Variants in PSMB8 observed in about 807,000 individuals in gnomAD.
PSMB8 encodes proteasome 20S subunit beta 8, also known as proteasome subunit beta type-8.
A neutral mutation model predicts 32.3 loss-of-function variants in PSMB8; 20 were observed. The observed-to-expected ratio is 0.62, with a 90% CI of 0.44 to 0.90. PSMB8 has a LOEUF of 0.90. Ranked by LOEUF, PSMB8 falls within the 40% of genes least tolerant of loss-of-function variation. The probability of loss-of-function intolerance (pLI) is 0.00; values close to 1 mark genes in which losing one functional copy is unlikely to be tolerated. For missense variants in PSMB8, 342 were observed against 365.4 expected, an observed-to-expected ratio of 0.94 and a Z score of 0.52; for synonymous variants, 131 against 135.4, an observed-to-expected ratio of 0.97 and a Z score of 0.23.
chr6:32,844,212 G>A (rs1013531543), upstream of PSMB8: 10 of 1,592,064 alleles, frequency 6.3e-6, no homozygotes, highest in Admixed American at 8.9e-5. Flanking sequence ...AGGGTCTTCC[G>A]AAGAAAGCGA....
At chr6:32,842,439 T>C (rs1176436925) in intron 3 of PSMB8, among the ~76,000 whole-genome samples, 176 bp from the exon 4 acceptor site, 1 of 152,250 alleles carries the variant, frequency 6.6e-6, no homozygotes, top group African/African-American at 2.4e-5. Flanking sequence ...TAGTAAATGA[T>C]ACTGTCCCGC....
rs747334770 is a variant in PSMB8, at chr6:32,841,770, A to G, written c.538-35T>C. ...GAAAGATTTCAGGCTGAAATTGGAG[A>G]GGAAGATGTTGGTAACATGGGGGTT... On this transcript the variant is annotated intron_variant, in intron 4 of 5. Transcript: ENST00000374882. 1.1e-5 allele frequency: 17 copies of G among 1,590,884 alleles called. No homozygotes were observed. In the Middle Eastern group the frequency reaches 6.6e-4, roughly 62 times the overall value.
chr6:32,842,452 G>C (rs879442135), intron 3 of PSMB8, among the ~76,000 whole-genome samples, 189 bp from the exon 4 acceptor site: 2 of 152,254 alleles, frequency 1.3e-5, no homozygotes, highest in Admixed American at 1.3e-4. Context: ...TGTCCCGCCA[G>C]GGTGGATGTG....
intron 1 of PSMB8, among the ~76,000 whole-genome samples, chr6:32,843,363 G>C (rs1278998149): frequency 1.3e-5 from 2 of 152,164 alleles, no homozygotes; most frequent in African/African-American, 2.4e-5. Context: ...GTGACTTAAA[G>C]GGTTTCTTCC....
At position 32,843,975 on chromosome 6, in the gene PSMB8, C is replaced by T. The variant is rs114772012; in HGVS notation, c.22G>A (p.Gly8Arg). ...TCCGGCCGCTGCCCTCGGGGGGCTC[C>T]GCATACATCTAGTAGCGCCATGACC... The part of the protein sequence containing the change: MALLDVC[G>R]APRGQRPESA... Residue 8 changes from glycine to arginine, a missense_variant, in exon 1 of 6, where the codon GGA (glycine) becomes AGA (arginine). Gly to Arg is a moderately radical substitution (Grantham distance 125). Transcript: ENST00000374882. 33,301 of 1,612,242 alleles carry T rather than the reference C, an allele frequency of 0.021. 397 individuals are homozygous for T. Among genetic ancestry groups the T allele is most frequent in the African/African-American group, 0.025 (1,885 of 74,868 alleles).
chr6:32,840,913 G>A lies in PSMB8; in HGVS notation c.*46C>T, dbSNP rs551352254. 1.6e-5 allele frequency: 25 copies of A among 1,529,418 alleles called. No individual in the cohort carries two copies. In the African/African-American group the frequency reaches 1.8e-4, roughly 11 times the overall value. 94.7% of individuals were successfully genotyped at this position (1,529,418 alleles called of 1,614,324 possible). The stretch of plus-strand genomic sequence containing the variant: ...TTAACGTGGCTTAGGTCCCTGAGTC[G>A]GCCAAGACCTCCCAGAGGAGACCTG... On this transcript the variant is annotated 3_prime_UTR_variant, in exon 6 of 6. Coordinates refer to ENST00000374882, the MANE Select transcript of PSMB8 (RefSeq NM_148919.4).
At chr6:32,844,445 G>A (rs1422499818), upstream of PSMB8, 1 of 1,612,360 alleles carries the variant, frequency 6.2e-7, no homozygotes, top group Non-Finnish European at 8.5e-7. Context: ...ACGGAAGTGC[G>A]AGGGGGCAGA....
chr6:32,843,022 C>T lies in PSMB8; in HGVS notation c.215G>A (p.Gly72Asp). 6.2e-7 allele frequency: 1 copy of T among 1,613,100 alleles called. No homozygotes were observed. Among genetic ancestry groups the T allele is most frequent in the Non-Finnish European group, 8.5e-7 (1 of 1,180,042 alleles). ...GAACTTGAAGGCGAGCGTGGTGGTG[C>T]CATGGGCCATCTCAATCTGAACGTT... ...ERNVQIEMAHGTTTLAFKFQH... is the reference protein window; with the variant it reads ...ERNVQIEMAHDTTTLAFKFQH... The change falls in exon 2 of 6, where the codon GGC (glycine) becomes GAC (aspartate). Residue 72 changes from glycine (G) to aspartate (D), a missense_variant. Transcript: ENST00000374882.
chr6:32,843,813 C>T (rs1222390960), intron 1 of PSMB8, 37 bp downstream of exon 1: 2 of 1,610,644 alleles, frequency 1.2e-6, no homozygotes, highest in Non-Finnish European at 1.7e-6. Flanking sequence ...CAGCGCCCGC[C>T]TCCCTGCATC....
chr6:32,842,532 C>T, intron 3 of PSMB8, 140 bp downstream of exon 3: 1 of 918,716 alleles, frequency 1.1e-6, no homozygotes, highest in Non-Finnish European at 1.7e-6. Flanking sequence ...GGAGAAGGGT[C>T]TTATCACCAA....
Position 32,843,044 on chromosome 6 carries a change from C to G in PSMB8, c.193G>C (p.Val65Leu), listed in dbSNP as rs940695600. The part of the protein sequence containing the change: ...QSLGGDGERN[V>L]QIEMAHGTTT... The stretch of plus-strand genomic sequence containing the variant: ...GTGCCATGGGCCATCTCAATCTGAA[C>G]GTTCCTTTCTCCGTCCCCACCCAGG... The change falls in exon 2 of 6, where the codon GTT becomes CTT. Residue 65 changes from valine (V) to leucine (L), a missense_variant. Transcript: ENST00000374882. 6.2e-7 allele frequency: 1 copy of G among 1,613,080 alleles called. No homozygotes were observed. The highest frequency in any genetic ancestry group is 8.5e-7 in the Non-Finnish European group (1 of 1,180,032).
Position 32,841,729 on chromosome 6 carries a change from C to T in PSMB8, c.544G>A (p.Gly182Arg), listed in dbSNP as rs1769920763. The stretch of plus-strand genomic sequence containing the variant: ...CCATGTTCATCCACGTAGTAGAGTC[C>T]AGGACCCTATAAGATGAAAGATTTC... ...MICGWDKKGP[G>R]LYYVDEHGTR... The change falls in exon 5 of 6, where the codon GGA (glycine) becomes AGA (arginine). Residue 182 changes from glycine (G) to arginine (R), a missense_variant. Gly to Arg is a moderately radical substitution (Grantham distance 125). Coordinates refer to ENST00000374882, the MANE Select transcript of PSMB8 (RefSeq NM_148919.4). The T allele has an allele frequency of 1.9e-6, 3 of 1,612,570 alleles. No individual in the cohort carries two copies. The South Asian group carries it at 3.3e-5, about 18-fold the overall frequency.
In PSMB8 at chr6:32,842,034, A is replaced by G. The variant is rs1023758716; in HGVS notation, c.537+100T>C. On this transcript the variant is annotated intron_variant, in intron 4 of 5. Coordinates refer to ENST00000374882, the MANE Select transcript of PSMB8 (RefSeq NM_148919.4). Reference sequence around the variant, plus strand: ...TCTATAACCAAGCACTCTATATGCCATGCATCTTGTCAGGGAGGGAGTAGG... The same window carrying G: ...TCTATAACCAAGCACTCTATATGCCGTGCATCTTGTCAGGGAGGGAGTAGG... The G allele has an allele frequency of 1.4e-5, 22 of 1,575,796 alleles. No homozygotes were observed. In the African/African-American group the frequency reaches 2.3e-4, roughly 16 times the overall value.
intron 4 of PSMB8, 37 bp from the exon 5 acceptor site, chr6:32,841,772 G>A: frequency 6.3e-7 from 1 of 1,577,256 alleles, no homozygotes; most frequent in Admixed American, 1.7e-5. Context: ...AATTGGAGAG[G>A]AAGATGTTGG....
In PSMB8 at chr6:32,842,963, C is replaced by T. The variant is rs751107274; in HGVS notation, c.274G>A (p.Ala92Thr). The change falls in exon 2 of 6, where the codon GCC (alanine) becomes ACC (threonine). Residue 92 changes from alanine to threonine, a missense_variant. Ala to Thr is a moderately conservative substitution (Grantham distance 58). Transcript: ENST00000374882. ...HGVIAAVDSR[A>T]SAGSYISALR... is the part of the protein sequence containing the mutation. The stretch of plus-strand genomic sequence containing the variant: ...TCACTAATGTAGGACCCAGCTGAGG[C>T]CCGAGAATCCACTGCTGCAATCACT... 1.9e-6 allele frequency: 3 copies of T among 1,613,278 alleles called. No homozygotes were observed. In the South Asian group the frequency reaches 3.3e-5, roughly 18 times the overall value.
rs1445689887 is a variant in PSMB8 at position 32,843,979 on chromosome 6, T to G, written c.18A>C (p.Val6=). MALLD[V]CGAPRGQRPE... Reference sequence around the variant, plus strand: ...GCCGCTGCCCTCGGGGGGCTCCGCATACATCTAGTAGCGCCATGACCGCCC... The same window carrying G: ...GCCGCTGCCCTCGGGGGGCTCCGCAGACATCTAGTAGCGCCATGACCGCCC... The change falls in exon 1 of 6, where the codon GTA becomes GTC. Residue 6 remains valine (V), a synonymous_variant. Transcript: ENST00000374882. The G allele has an allele frequency of 9.9e-6, 16 of 1,611,798 alleles. No homozygotes were observed. In the African/African-American group the frequency reaches 1.9e-4, roughly 19 times the overall value.
upstream of PSMB8, chr6:32,844,615 G>A: frequency 1.6e-6 from 1 of 614,160 alleles, no homozygotes; most frequent in Non-Finnish European, 2.8e-6. Flanking sequence ...TCACCCACAA[G>A]AGCGTGCCCT....
At position 32,844,008 on chromosome 6, in the gene PSMB8, A is replaced by G; in HGVS notation, c.-12T>C. 6.2e-7 allele frequency: 1 copy of G among 1,609,550 alleles called. No individual in the cohort carries two copies. Among genetic ancestry groups the G allele is most frequent in the South Asian group, 1.1e-5 (1 of 90,924 alleles). On this transcript the variant is annotated 5_prime_UTR_variant, in exon 1 of 6. Coordinates refer to ENST00000374882, the MANE Select transcript of PSMB8 (RefSeq NM_148919.4). Reference sequence around the variant, plus strand: ...TCTAGTAGCGCCATGACCGCCCAGCACCCAGAGATCTGTCCGCTCTCGGAG... The same window carrying G: ...TCTAGTAGCGCCATGACCGCCCAGCGCCCAGAGATCTGTCCGCTCTCGGAG...
Position 32,840,916 on chromosome 6 carries a change from C to A in PSMB8, c.*43G>T, listed in dbSNP as rs1296064576. ...ACGTGGCTTAGGTCCCTGAGTCGGC[C>A]AAGACCTCCCAGAGGAGACCTGCCC... is the stretch of plus-strand genomic sequence containing the variant. On this transcript the variant is annotated 3_prime_UTR_variant, in exon 6 of 6. Transcript: ENST00000374882. 3.9e-6 allele frequency: 6 copies of A among 1,550,760 alleles called. No individual in the cohort carries two copies. In the South Asian group the frequency reaches 5.6e-5, roughly 14 times the overall value.
Sources: allele counts gnomAD v4.1 joint callset (sites outside exome capture counted in the v4.1 genomes callset), GRCh38; gene constraint gnomAD v4.1.1; transcripts MANE v1.5; gene names NCBI Gene and HGNC (gene_info 2026-07-23, HGNC 2026-07-21).